PLEKHH2: variants seen among roughly 807,000 people sequenced by gnomAD.
PLEKHH2 encodes pleckstrin homology domain-containing family H member 2.
PLEKHH2 carries 129 observed loss-of-function variants against 187.9 expected under a neutral mutation model. The observed-to-expected ratio is 0.69, with a 90% confidence interval of 0.59 to 0.79. The LOEUF (loss-of-function observed/expected upper bound fraction) is 0.79. Among genes scored for constraint, PLEKHH2 ranks in the 30% least tolerant of loss-of-function variants. PLEKHH2 has a pLI of 0.00. For missense variants in PLEKHH2, 2,076 were observed against 1,751.2 expected (o/e 1.19, Z -3.31); for synonymous variants, 686 against 605.6 (o/e 1.13, Z -1.95).
intron 24 of PLEKHH2, among the ~76,000 whole-genome samples, chr2:43,752,469 G>T (rs1189579068): frequency 6.6e-6 from 1 of 152,106 alleles, no homozygotes. Flanking sequence ...CAGACCTGCT[G>T]CCCTCCCCTT....
intron 2 of PLEKHH2, among the ~76,000 whole-genome samples, chr2:43,655,084 T>C (rs894348460): frequency 1.1e-4 from 16 of 152,020 alleles, no homozygotes; most frequent in Non-Finnish European, 1.5e-4. Flanking sequence ...TGCACACCTG[T>C]AGCCCCAGCT....
chr2:43,670,058 T>C (rs546463376), intron 2 of PLEKHH2, among the ~76,000 whole-genome samples: 22 of 152,270 alleles, frequency 1.4e-4, no homozygotes, highest in African/African-American at 5.3e-4. Context: ...AACATCAACC[T>C]AGAATGACCC....
intron 17 of PLEKHH2, 50 bp from the exon 18 acceptor site, chr2:43,729,587 T>C (rs755509313): frequency 1.5e-6 from 2 of 1,300,718 alleles, no homozygotes; most frequent in Admixed American, 2.6e-5. Context: ...TTTTTTTTTC[T>C]TTAATCAAAA....
In PLEKHH2 at chr2:43,753,605, CTT is replaced by C; in HGVS notation, c.3654-6_3654-5del. 6.6e-6 allele frequency: 9 copies of C among 1,363,632 alleles called. No individual in the cohort carries two copies. The highest frequency in any genetic ancestry group is 8.7e-6 in the Non-Finnish European group (9 of 1,029,146). The allele number at this position is 1,363,632 out of a possible 1,614,324, so 84.5% of individuals were successfully genotyped here. ...AATATAATTTAATGAGAAATTTACT[CTT>C]TTTTTTTACAGACTATATTTCTCAG... On this transcript the variant is annotated splice_polypyrimidine_tract_variant and intron_variant, in intron 24 of 29. Transcript: ENST00000282406.
chr2:43,681,481 C>G, intron 3 of PLEKHH2: 1 of 1,546,154 alleles, frequency 6.5e-7, no homozygotes, highest in Non-Finnish European at 8.7e-7. Flanking sequence ...CCATCATCTT[C>G]TCTTTCCTGG....
At chr2:43,741,107 A>C in intron 21 of PLEKHH2, 64 bp downstream of exon 21, 1 of 1,422,702 alleles carries the variant, frequency 7.0e-7, no homozygotes, top group Non-Finnish European at 9.7e-7. Flanking sequence ...ATAAATCATA[A>C]GTATTTAACG....
intron 2 of PLEKHH2, among the ~76,000 whole-genome samples, chr2:43,671,357 C>G (rs1667491341): frequency 6.6e-6 from 1 of 152,136 alleles, no homozygotes; most frequent in Non-Finnish European, 1.5e-5. Flanking sequence ...CCTTAATAAA[C>G]TCATTTATTA....
At chr2:43,648,494 C>T (rs2104339448) in intron 2 of PLEKHH2, among the ~76,000 whole-genome samples, 1 of 145,218 alleles carries the variant, frequency 6.9e-6, no homozygotes, top group South Asian at 2.2e-4. Flanking sequence ...GCTTTTTTTC[C>T]TGTGTCTTTC....
intron 15 of PLEKHH2, among the ~76,000 whole-genome samples, chr2:43,719,268 CCA>C (rs1670363834): frequency 6.6e-6 from 1 of 152,052 alleles, no homozygotes; most frequent in Non-Finnish European, 1.5e-5. Flanking sequence ...AAATTCTGTC[CCA>C]GTCACTTAAC....
At chr2:43,652,798 C>A (rs1251136264) in intron 2 of PLEKHH2, among the ~76,000 whole-genome samples, 5 of 152,162 alleles carry the variant, frequency 3.3e-5, no homozygotes, top group Non-Finnish European at 7.3e-5. Context: ...TCAGAAAAAA[C>A]CAGCATTGCC....
At chr2:43,726,129 A>C (rs1670731257) in intron 16 of PLEKHH2, 143 bp from the exon 17 acceptor site, 5 of 563,056 alleles carry the variant, frequency 8.9e-6, no homozygotes, top group Non-Finnish European at 1.4e-5. Flanking sequence ...TGTCTCAAAA[A>C]AAAAAAAAAA....
intron 28 of PLEKHH2, 79 bp downstream of exon 28, chr2:43,762,469 T>C: frequency 9.0e-7 from 1 of 1,108,872 alleles, no homozygotes; most frequent in Non-Finnish European, 1.4e-6. Flanking sequence ...AGTAATGATA[T>C]CTTAATCTGA....
chr2:43,739,795 T>G (rs1393724976), intron 20 of PLEKHH2, among the ~76,000 whole-genome samples: 1 of 152,226 alleles, frequency 6.6e-6, no homozygotes, highest in African/African-American at 2.4e-5. Context: ...TTCTCCACCA[T>G]GCACCTGATG....
intron 3 of PLEKHH2, among the ~76,000 whole-genome samples, chr2:43,682,455 C>A (rs1224923536): frequency 6.6e-6 from 1 of 152,140 alleles, no homozygotes; most frequent in East Asian, 1.9e-4. Context: ...TATAGGCACC[C>A]ACCACCACGC....
rs146361004 is a variant in PLEKHH2, at chr2:43,743,929, G to A, written c.3495G>A (p.Ala1165=). The A allele has an allele frequency of 2.8e-5, 46 of 1,614,084 alleles. No homozygotes were observed. In the Admixed American group the frequency reaches 3.7e-4, roughly 13 times the overall value. The change falls in exon 23 of 30, where the codon GCG becomes GCA. Residue 1165 remains alanine, a synonymous_variant. Transcript: ENST00000282406. The part of the protein sequence containing the change: ...GMRKPAQSGF[A]LFTDDPSGRD... ...GGAAACCAGCGCAGTCTGGATTTGC[G>A]TTGTTCACTGACGATCCTTCTGGCA... is the stretch of plus-strand genomic sequence containing the variant.
intron 15 of PLEKHH2, 131 bp from the exon 16 acceptor site, chr2:43,720,538 A>T: frequency 7.0e-7 from 1 of 1,421,466 alleles, no homozygotes; most frequent in Non-Finnish European, 9.5e-7. Context: ...AGCACTGGAC[A>T]ATCTATTTGG....
intron 2 of PLEKHH2, among the ~76,000 whole-genome samples, chr2:43,665,458 CCTT>C (rs1388841955): frequency 3.3e-5 from 4 of 120,780 alleles, no homozygotes; most frequent in East Asian, 2.3e-4. Context: ...TCGTCTGAAA[CCTT>C]CTTCTCTCAG....
Position 43,700,255 on chromosome 2 carries a change from T to A in PLEKHH2, c.1297T>A (p.Ser433Thr). The A allele has an allele frequency of 6.2e-7, 1 of 1,614,178 alleles. No individual in the cohort carries two copies. Among genetic ancestry groups the A allele is most frequent in the Non-Finnish European group, 8.5e-7 (1 of 1,180,026 alleles). The change falls in exon 8 of 30, where the codon TCA becomes ACA. Residue 433 changes from serine (S) to threonine (T), a missense_variant. By Grantham distance (58) the Ser-to-Thr change is moderately conservative. Transcript: ENST00000282406. ...LSGKGTQLVPSSHLPPPKLRI... is the reference protein window; with the variant it reads ...LSGKGTQLVPTSHLPPPKLRI... ...TGGAAAAGGAACACAATTAGTGCCT[T>A]CATCACACCTGCCACCCCCAAAGTT...
intron 3 of PLEKHH2, among the ~76,000 whole-genome samples, chr2:43,688,944 T>C (rs1388917345): frequency 6.6e-6 from 1 of 152,170 alleles, no homozygotes; most frequent in Non-Finnish European, 1.5e-5. Context: ...TGACTGATCT[T>C]AGTCAGTCTC....
Sources: allele counts gnomAD v4.1 joint callset (sites outside exome capture counted in the v4.1 genomes callset), GRCh38; gene constraint gnomAD v4.1.1; transcripts MANE v1.5; gene names NCBI Gene and HGNC (gene_info 2026-07-23, HGNC 2026-07-21).